The following NLGN4Y variants were observed in gnomAD, a reference collection of about 807,000 sequenced individuals.
NLGN4Y encodes neuroligin 4 Y-linked, also known as neuroligin-4, Y-linked.
A neutral mutation model predicts 8.4 loss-of-function variants in NLGN4Y; 4 were observed. The observed-to-expected ratio is 0.48, with a 90% CI of 0.23 to 1.09. The LOEUF (loss-of-function observed/expected upper bound fraction) is 1.09. Among genes scored for constraint, NLGN4Y ranks in the 50% least tolerant of loss-of-function variants. The pLI, the probability that NLGN4Y is intolerant of heterozygous loss-of-function variation, is 0.19. For missense variants in NLGN4Y, 90 were observed against 192.3 expected, an observed-to-expected ratio of 0.47 and a Z score of 3.15; for synonymous variants, 35 against 75.6, an observed-to-expected ratio of 0.46 and a Z score of 2.78.
chrY:14,799,532 G>T lies in NLGN4Y; in HGVS notation c.686-24656G>T, dbSNP rs755247017. On this transcript the variant is annotated intron_variant, in intron 4 of 6. Transcript: ENST00000684976. Reference sequence around the variant, plus strand: ...CAAAAGAAGCATAAATCTTTTTCTTGATTTATTAGTATTTTTCCCAACCCA... The same window carrying T: ...CAAAAGAAGCATAAATCTTTTTCTTTATTTATTAGTATTTTTCCCAACCCA... Among the ~76,000 whole-genome samples, 9 of 33,284 alleles carry T rather than the reference G, an allele frequency of 2.7e-4. No homozygotes were observed. In the East Asian group the frequency reaches 7.2e-3, roughly 27 times the overall value. The allele number at this position is 33,284 out of a possible 37,273, so 89.3% of individuals were successfully genotyped here. A position where few individuals can be genotyped will look rare whatever the true frequency, so the allele number is the denominator to read the frequency against.
chrY:14,710,131 G>A (rs10453795), intron 2 of NLGN4Y, among the ~76,000 whole-genome samples: 278 of 33,840 alleles, frequency 8.2e-3, no homozygotes, highest in African/African-American at 0.03. Context: ...AACTGTGTAA[G>A]CTTGGGCAAA....
chrY:14,570,482 C>G, intron 1 of NLGN4Y, among the ~76,000 whole-genome samples: 1 of 33,311 alleles, frequency 3.0e-5, no homozygotes. Flanking sequence ...TAACTTCATA[C>G]AAAACACTTA....
At position 14,843,626 on chromosome Y, in the gene NLGN4Y, A is replaced by G; in HGVS notation, c.*2364A>G. ...TTAGCTTTTACAGGGGATTATGATT[A>G]AAAGTGATTTAGTACATCTTACATG... On this transcript the variant is annotated 3_prime_UTR_variant, in exon 7 of 7. Coordinates refer to ENST00000684976, the MANE Select transcript of NLGN4Y (RefSeq NM_001365588.1). 1 of 120,212 alleles carries G rather than the reference A, an allele frequency of 8.3e-6. No individual in the cohort carries two copies. The highest frequency in any genetic ancestry group is 1.0e-4 in the Admixed American group (1 of 9,545). The allele number at this position is 120,212 out of a possible 400,897, so 30.0% of individuals were successfully genotyped here. A position where few individuals can be genotyped will look rare whatever the true frequency, so the allele number is the denominator to read the frequency against.
Position 14,758,643 on chromosome Y carries a change from T to G in NLGN4Y, c.685+35374T>G, listed in dbSNP as rs746673297. Among the ~76,000 whole-genome samples, 10 of 33,234 alleles carry G rather than the reference T, an allele frequency of 3.0e-4. No individual in the cohort carries two copies. The South Asian group carries it at 6.8e-3, about 23-fold the overall frequency. The allele number at this position is 33,234 out of a possible 37,273, so 89.2% of individuals were successfully genotyped here. A position where few individuals can be genotyped will look rare whatever the true frequency, so the allele number is the denominator to read the frequency against. On this transcript the variant is annotated intron_variant, in intron 4 of 6. Transcript: ENST00000684976. ...TTTTTTGTTTATTTGGTTGGTTGAT[T>G]GGTTGTTTTGAGGCAGGGTCTCTCT...
intron 4 of NLGN4Y, among the ~76,000 whole-genome samples, chrY:14,796,467 G>A (rs2043010231): frequency 3.3e-5 from 1 of 30,213 alleles, no homozygotes; most frequent in Non-Finnish European, 7.9e-5. Context: ...GGTGGCGGGC[G>A]CCTGTAGTCC....
chrY:14,657,031 C>A lies in NLGN4Y; in HGVS notation c.472+34440C>A. On this transcript the variant is annotated intron_variant, in intron 2 of 6. Coordinates refer to ENST00000684976, the MANE Select transcript of NLGN4Y (RefSeq NM_001365588.1). Reference sequence around the variant, plus strand: ...ATTAAATATACATATGTAAATTATTCTTTTGAAAAAATATTACTTATAATA... The same window carrying A: ...ATTAAATATACATATGTAAATTATTATTTTGAAAAAATATTACTTATAATA... Among the ~76,000 whole-genome samples the A allele has an allele frequency of 4.3e-4, 14 of 32,592 alleles. No homozygotes were observed. The South Asian group carries it at 6.8e-3, about 16-fold the overall frequency. The allele number at this position is 32,592 out of a possible 37,273, so 87.4% of individuals were successfully genotyped here. A position where few individuals can be genotyped will look rare whatever the true frequency, so the allele number is the denominator to read the frequency against.
intron 4 of NLGN4Y, among the ~76,000 whole-genome samples, chrY:14,775,464 T>C: frequency 3.1e-5 from 1 of 32,127 alleles, no homozygotes; most frequent in Non-Finnish European, 7.5e-5. Context: ...CACTGATTGC[T>C]TCTCTCTGTC....
chrY:14,704,598 C>T, intron 2 of NLGN4Y, among the ~76,000 whole-genome samples: 4 of 33,100 alleles, frequency 1.2e-4, no homozygotes, highest in Non-Finnish European at 1.5e-4. Context: ...CGATGTTCCT[C>T]AGGGATATTG....
intron 4 of NLGN4Y, among the ~76,000 whole-genome samples, chrY:14,748,133 A>G: frequency 3.0e-5 from 1 of 33,604 alleles, no homozygotes; most frequent in Non-Finnish European, 7.4e-5. Flanking sequence ...TGAAACTGAC[A>G]TGACAGGAAA....
At chrY:14,668,868 C>G (rs746076252) in intron 2 of NLGN4Y, among the ~76,000 whole-genome samples, 3,513 of 31,858 alleles carry the variant, frequency 0.11, no homozygotes, top group Non-Finnish European at 0.18. Context: ...TTTAAACAAC[C>G]AGATTTTGTA....
chrY:14,815,887 T>C, intron 4 of NLGN4Y, among the ~76,000 whole-genome samples: 1 of 33,695 alleles, frequency 3.0e-5, no homozygotes, highest in African/African-American at 1.2e-4. Flanking sequence ...TTGAAATCCC[T>C]TTAACTTAGG....
chrY:14,564,291 C>T, intron 1 of NLGN4Y, among the ~76,000 whole-genome samples: 2 of 32,894 alleles, frequency 6.1e-5, no homozygotes, highest in Non-Finnish European at 1.5e-4. Flanking sequence ...CTTCATTTCT[C>T]GAGAGGGGGG....
intron 1 of NLGN4Y, among the ~76,000 whole-genome samples, chrY:14,576,480 C>CGGTCT: frequency 6.1e-5 from 2 of 33,057 alleles, no homozygotes; most frequent in Non-Finnish European, 1.5e-4. Context: ...TTTCCAGGTG[C>CGGTCT]GGTCTGTCAT....
intron 4 of NLGN4Y, among the ~76,000 whole-genome samples, chrY:14,802,586 TA>T (rs2043037043): frequency 3.7e-5 from 1 of 26,924 alleles, no homozygotes; most frequent in African/African-American, 1.4e-4. Context: ...TATATAATTA[TA>T]AAAAATTACA....
In NLGN4Y at chrY:14,830,531, T is replaced by C. The variant is rs372502439; in HGVS notation, c.1661+12T>C. ...TTCGCCAAAACTGGGTACGTTCTTC[T>C]TCATGTTGGGGTATCACTGTCCTCT... On this transcript the variant is annotated intron_variant, in intron 6 of 6. Coordinates refer to ENST00000684976, the MANE Select transcript of NLGN4Y (RefSeq NM_001365588.1). The C allele has an allele frequency of 2.4e-4, 94 of 394,340 alleles. No homozygotes were observed. In the African/African-American group the frequency reaches 3.3e-3, roughly 14 times the overall value.
At chrY:14,593,561 A>T (rs2080381900) in intron 1 of NLGN4Y, among the ~76,000 whole-genome samples, 6 of 33,389 alleles carry the variant, frequency 1.8e-4, no homozygotes, top group African/African-American at 3.5e-4. Flanking sequence ...CTATGCCCCC[A>T]TGAAAGTCCC....
chrY:14,724,513 C>T (rs2080948617), intron 4 of NLGN4Y, among the ~76,000 whole-genome samples: 1 of 33,230 alleles, frequency 3.0e-5, no homozygotes, highest in Non-Finnish European at 7.4e-5. Context: ...CCCTAGGTAG[C>T]TCCAGAACAA....
At chrY:14,698,213 T>C (rs2080838175) in intron 2 of NLGN4Y, among the ~76,000 whole-genome samples, 1 of 33,786 alleles carries the variant, frequency 3.0e-5, no homozygotes, top group Admixed American at 2.7e-4. Context: ...GACATGTGAA[T>C]ACTATGTGCT....
chrY:14,567,580 T>G (rs2080257129), intron 1 of NLGN4Y, among the ~76,000 whole-genome samples: 1 of 29,069 alleles, frequency 3.4e-5, no homozygotes. Context: ...CAGACTGAAG[T>G]GCAGTTGTGC....
Sources: gnomAD v4.1 joint callset for allele counts (sites outside exome capture counted in the v4.1 genomes callset) on GRCh38, gnomAD v4.1.1 for gene constraint, MANE v1.5 for transcripts, NCBI Gene and HGNC (gene_info 2026-07-23, HGNC 2026-07-21) for gene names.